The following SLC39A11 variants were observed in gnomAD, a reference collection of about 807,000 sequenced individuals.
The protein encoded by SLC39A11 is solute carrier family 39 member 11.
Under a neutral mutation model 36.1 loss-of-function variants are expected in SLC39A11, and 33 were observed. The ratio of observed to expected loss-of-function variants is 0.91; its 90% CI spans 0.69 to 1.22. SLC39A11 has a LOEUF of 1.22. Ranked by LOEUF, SLC39A11 falls within the 50% of genes most tolerant of loss-of-function variation. The pLI is 0.00. For missense variants in SLC39A11, 432 were observed against 430.3 expected (o/e 1.00, Z -0.03); for synonymous variants, 166 against 170.3 (o/e 0.97, Z 0.20).
chr17:72,658,803 C>T (rs982342987), intron 7 of SLC39A11, among the ~76,000 whole-genome samples: 9 of 152,008 alleles, frequency 5.9e-5, no homozygotes, highest in African/African-American at 1.4e-4. Context: ...ACTCCCCCAC[C>T]GACAGGGCTC....
At chr17:72,756,989 GAA>G (rs34241516) in intron 6 of SLC39A11, among the ~76,000 whole-genome samples, 2 of 131,188 alleles carry the variant, frequency 1.5e-5, no homozygotes, top group Non-Finnish European at 3.2e-5. Context: ...CTCTGCTAGG[GAA>G]AAAAAAAAAA....
chr17:73,038,198 T>G (rs1477352312), intron 3 of SLC39A11, among the ~76,000 whole-genome samples: 1 of 152,164 alleles, frequency 6.6e-6, no homozygotes, highest in East Asian at 1.9e-4. Context: ...TACTCCAGCC[T>G]GAGTGACAGA....
intron 4 of SLC39A11, among the ~76,000 whole-genome samples, chr17:73,011,862 A>G (rs2090543467): frequency 6.6e-6 from 1 of 150,850 alleles, no homozygotes; most frequent in African/African-American, 2.4e-5. Context: ...GGGTTTCACC[A>G]TGTTGGCCAG....
chr17:72,949,995 A>C (rs997815599), intron 4 of SLC39A11, among the ~76,000 whole-genome samples: 2 of 121,688 alleles, frequency 1.6e-5, no homozygotes, highest in East Asian at 2.5e-4. Context: ...ACACACACAC[A>C]CCCCTTCTTG....
chr17:72,711,045 A>G (rs1050218436), intron 7 of SLC39A11, among the ~76,000 whole-genome samples: 4 of 152,174 alleles, frequency 2.6e-5, no homozygotes, highest in Admixed American at 2.6e-4. Flanking sequence ...TTCATACAGC[A>G]TGCAAGGCCT....
At chr17:72,929,990 A>G (rs370736549) in intron 5 of SLC39A11, among the ~76,000 whole-genome samples, 1 of 152,348 alleles carries the variant, frequency 6.6e-6, no homozygotes, top group East Asian at 1.9e-4. Flanking sequence ...TCCAAAGTAG[A>G]GGCATGGAAA....
chr17:72,806,167 G>A (rs2077250252), intron 6 of SLC39A11, among the ~76,000 whole-genome samples: 1 of 152,128 alleles, frequency 6.6e-6, no homozygotes, highest in Admixed American at 6.5e-5. Flanking sequence ...GTGTTTACAG[G>A]ATCTTGTTAT....
chr17:72,953,893 C>A (rs2086054789), intron 4 of SLC39A11, among the ~76,000 whole-genome samples: 1 of 152,206 alleles, frequency 6.6e-6, no homozygotes, highest in Non-Finnish European at 1.5e-5. Context: ...GGAGGCAAAC[C>A]TGACCTCCGC....
intron 5 of SLC39A11, among the ~76,000 whole-genome samples, chr17:72,900,477 C>T (rs556047414): frequency 2.6e-3 from 389 of 151,926 alleles, no homozygotes; most frequent in African/African-American, 9.1e-3. Flanking sequence ...ATGAAGGGGG[C>T]GGGCTGGGGT....
chr17:72,730,959 T>C (rs2143838610), intron 7 of SLC39A11, among the ~76,000 whole-genome samples: 1 of 152,280 alleles, frequency 6.6e-6, no homozygotes, highest in South Asian at 2.1e-4. Flanking sequence ...ACCATGTTGG[T>C]TGGGCTGGTC....
chr17:72,686,794 TTTAAA>T (rs1354785517), intron 7 of SLC39A11, among the ~76,000 whole-genome samples: 3 of 152,168 alleles, frequency 2.0e-5, no homozygotes, highest in African/African-American at 7.2e-5. Flanking sequence ...CAGTAAAAGA[TTTAAA>T]TTAGAGTATC....
At chr17:72,653,778 G>A (rs2069978643) in intron 7 of SLC39A11, among the ~76,000 whole-genome samples, 1 of 152,114 alleles carries the variant, frequency 6.6e-6, no homozygotes. Context: ...TTGGATAATT[G>A]AGCCCTGGGG....
intron 4 of SLC39A11, among the ~76,000 whole-genome samples, chr17:72,964,368 G>C (rs2452929): frequency 6.6e-6 from 1 of 152,204 alleles, no homozygotes. Context: ...TTGGCCTCCC[G>C]GTCCGCATCA....
In SLC39A11 at chr17:72,964,907, G is replaced by T. The variant is rs569195340; in HGVS notation, c.307-17032C>A. Among the ~76,000 whole-genome samples, 166 of 152,282 alleles carry T rather than the reference G, an allele frequency of 1.1e-3. 2 individuals carry two copies. Among genetic ancestry groups the T allele is most frequent in the Admixed American group, 2.7e-3 (41 of 15,298 alleles). On this transcript the variant is annotated intron_variant, in intron 4 of 9. Coordinates refer to ENST00000255559, the MANE Select transcript of SLC39A11 (RefSeq NM_139177.4). ...GAAAATGTGGCACATATACACCATGGAATACTACGCAGCCATAAAAAAGGA... is the reference window on the plus strand; with the variant it reads ...GAAAATGTGGCACATATACACCATGTAATACTACGCAGCCATAAAAAAGGA...
At chr17:73,017,670 G>A (rs568800732) in intron 4 of SLC39A11, among the ~76,000 whole-genome samples, 11 of 152,202 alleles carry the variant, frequency 7.2e-5, no homozygotes, top group South Asian at 4.2e-4. Flanking sequence ...CTAAGATCAC[G>A]CCACTGCACT....
intron 5 of SLC39A11, among the ~76,000 whole-genome samples, chr17:72,934,062 T>C (rs949223084): frequency 6.6e-6 from 1 of 151,766 alleles, no homozygotes; most frequent in Non-Finnish European, 1.5e-5. Flanking sequence ...GAACTCTACC[T>C]GACACCATAT....
At chr17:72,958,340 T>C (rs2086379813) in intron 4 of SLC39A11, among the ~76,000 whole-genome samples, 1 of 151,998 alleles carries the variant, frequency 6.6e-6, no homozygotes, top group African/African-American at 2.4e-5. Context: ...GCAAATGCAA[T>C]AAAAACAAAT....
intron 5 of SLC39A11, among the ~76,000 whole-genome samples, chr17:72,920,854 C>A (rs560508844): frequency 7.2e-4 from 110 of 151,844 alleles, no homozygotes; most frequent in South Asian, 3.5e-3. Flanking sequence ...ACACTTCCCA[C>A]CCCCTCTACA....
intron 5 of SLC39A11, among the ~76,000 whole-genome samples, chr17:72,906,159 C>A (rs1429483303): frequency 6.6e-6 from 1 of 152,200 alleles, no homozygotes; most frequent in Non-Finnish European, 1.5e-5. Context: ...AAAGTTCCTA[C>A]AAGTCACATG....
Sources: allele counts gnomAD v4.1 joint callset (sites outside exome capture counted in the v4.1 genomes callset), GRCh38; gene constraint gnomAD v4.1.1; transcripts MANE v1.5; gene names NCBI Gene and HGNC (gene_info 2026-07-23, HGNC 2026-07-21).